Variants in CNTN4 observed in about 807,000 individuals in gnomAD.
The protein encoded by CNTN4 is contactin 4.
CNTN4 carries 77 observed loss-of-function variants against 122.5 expected under a neutral mutation model. That is an observed-to-expected ratio of 0.63 (90% CI 0.52 to 0.76). The LOEUF (loss-of-function observed/expected upper bound fraction) is 0.76. CNTN4 is among the 30% of genes least tolerant of loss of function. The pLI is 0.00. For synonymous variants in CNTN4, 512 were observed against 447.0 expected (o/e 1.15, Z -1.83); for missense variants, 1,256 against 1,259.1 (o/e 1.00, Z 0.04).
At chr3:2,193,444 A>G (rs1404653597) in intron 2 of CNTN4, among the ~76,000 whole-genome samples, 3 of 152,258 alleles carry the variant, frequency 2.0e-5, no homozygotes, top group African/African-American at 7.2e-5. Flanking sequence ...TATCACTATA[A>G]TGGAAGAAAA....
At position 2,371,400 on chromosome 3, in the gene CNTN4, A is replaced by C. The variant is rs73807746; in HGVS notation, c.-89+32167A>C. ...ACCCTATTTAAAATTACAAACCCCA[A>C]CCCCAATGCTCTGGCTAACTTTTGC... On this transcript the variant is annotated intron_variant, in intron 3 of 24. Coordinates refer to ENST00000418658, the MANE Select transcript of CNTN4 (RefSeq NM_175607.3). 4.9e-3 allele frequency among the ~76,000 whole-genome samples: 741 copies of C among 151,810 alleles called. 7 individuals carry two copies. Among genetic ancestry groups the C allele is most frequent in the African/African-American group, 0.017 (706 of 41,384 alleles).
At chr3:2,763,965 CTT>C (rs796513972) in intron 6 of CNTN4, among the ~76,000 whole-genome samples, 4 of 141,450 alleles carry the variant, frequency 2.8e-5, no homozygotes, top group African/African-American at 5.1e-5. Context: ...GCTATTCGGG[CTT>C]TTTTTTTTTG....
At chr3:2,797,385 G>A (rs1161165700) in intron 6 of CNTN4, among the ~76,000 whole-genome samples, 1 of 152,118 alleles carries the variant, frequency 6.6e-6, no homozygotes, top group Non-Finnish European at 1.5e-5. Flanking sequence ...GATTACCTAG[G>A]TCAGGAGTTC....
intron 3 of CNTN4, among the ~76,000 whole-genome samples, chr3:2,366,912 A>T (rs1390471711): frequency 1.3e-5 from 2 of 152,094 alleles, no homozygotes; most frequent in African/African-American, 2.4e-5. Flanking sequence ...AATATGTTGC[A>T]CTCTAACAAT....
intron 2 of CNTN4, among the ~76,000 whole-genome samples, chr3:2,182,374 T>A (rs2037054936): frequency 1.3e-5 from 2 of 152,060 alleles, no homozygotes; most frequent in Non-Finnish European, 2.9e-5. Context: ...TGAATTGAGA[T>A]GATATAAAGT....
At chr3:2,755,391 A>C (rs1386212498) in intron 6 of CNTN4, among the ~76,000 whole-genome samples, 1 of 152,220 alleles carries the variant, frequency 6.6e-6, no homozygotes, top group African/African-American at 2.4e-5. Context: ...TTTGGGTATC[A>C]AAAGTAAAAA....
chr3:2,492,666 C>A (rs892169160), intron 3 of CNTN4, among the ~76,000 whole-genome samples: 1 of 152,184 alleles, frequency 6.6e-6, no homozygotes, highest in African/African-American at 2.4e-5. Context: ...GGCTTATTAT[C>A]AAATTTTCTT....
At chr3:2,742,425 C>T (rs1393374990) in intron 5 of CNTN4, among the ~76,000 whole-genome samples, 1 of 152,218 alleles carries the variant, frequency 6.6e-6, no homozygotes, top group African/African-American at 2.4e-5. Context: ...AATGTTCACT[C>T]ACTTGGTCGG....
chr3:2,543,451 G>C (rs903692749), intron 3 of CNTN4, among the ~76,000 whole-genome samples: 4 of 152,028 alleles, frequency 2.6e-5, no homozygotes, highest in African/African-American at 9.7e-5. Context: ...CCAGAGCTCT[G>C]GGTCACCTGG....
chr3:2,296,197 T>C (rs1237732718), intron 2 of CNTN4, among the ~76,000 whole-genome samples: 1 of 152,148 alleles, frequency 6.6e-6, no homozygotes, highest in African/African-American at 2.4e-5. Context: ...TAAAGTAGTT[T>C]TTTCCAGTTC....
chr3:2,805,317 T>A, intron 6 of CNTN4, among the ~76,000 whole-genome samples: 1 of 152,238 alleles, frequency 6.6e-6, no homozygotes, highest in Middle Eastern at 3.4e-3. Context: ...AGAAGAGCAA[T>A]TGGAGTTGTG....
chr3:2,143,677 C>A (rs532607910), intron 2 of CNTN4, among the ~76,000 whole-genome samples: 1 of 152,244 alleles, frequency 6.6e-6, no homozygotes, highest in African/African-American at 2.4e-5. Context: ...TCTTTATTTA[C>A]AAACATATGA....
chr3:2,910,380 T>G (rs7644363), intron 12 of CNTN4, among the ~76,000 whole-genome samples: 2,157 of 152,332 alleles, frequency 0.014, 57 homozygotes, highest in African/African-American at 0.049. Flanking sequence ...AAAACTGCTG[T>G]GAAGAGATGA....
intron 3 of CNTN4, among the ~76,000 whole-genome samples, chr3:2,363,566 A>G (rs1480341584): frequency 1.3e-5 from 2 of 152,180 alleles, no homozygotes; most frequent in African/African-American, 4.8e-5. Context: ...CATATTTTAT[A>G]TGTGTAGAAT....
In CNTN4 at chr3:2,624,601, T is replaced by G. The variant is rs544209768; in HGVS notation, c.55+53043T>G. On this transcript the variant is annotated intron_variant, in intron 4 of 24. Transcript: ENST00000418658. ...AAAGTTTGCAATGAGATTAAGAGTC[T>G]TGGCTCTTAATTGGAATTTCTGATT... 7.9e-5 allele frequency among the ~76,000 whole-genome samples: 12 copies of G among 151,696 alleles called. 1 individual carries two copies. The highest frequency in any genetic ancestry group is 3.4e-3 in the Middle Eastern group (1 of 294).
intron 2 of CNTN4, among the ~76,000 whole-genome samples, chr3:2,195,657 A>C (rs952688989): frequency 6.6e-6 from 1 of 152,184 alleles, no homozygotes; most frequent in Non-Finnish European, 1.5e-5. Context: ...CATGTTTGGC[A>C]CTTGTTCTGA....
intron 3 of CNTN4, among the ~76,000 whole-genome samples, chr3:2,465,533 C>T (rs982080111): frequency 4.0e-5 from 6 of 151,858 alleles, no homozygotes; most frequent in Admixed American, 1.3e-4. Flanking sequence ...AAAAATTAAC[C>T]GGGTGTGGCA....
intron 3 of CNTN4, among the ~76,000 whole-genome samples, chr3:2,549,411 A>C (rs1443631369): frequency 6.6e-6 from 1 of 152,004 alleles, no homozygotes; most frequent in Non-Finnish European, 1.5e-5. Context: ...TAGCATGAAG[A>C]GGTGTTGAAT....
intron 2 of CNTN4, among the ~76,000 whole-genome samples, chr3:2,230,513 C>T (rs1370804913): frequency 4.6e-5 from 7 of 152,152 alleles, no homozygotes; most frequent in Non-Finnish European, 7.4e-5. Context: ...AATGGGATTG[C>T]ACCAGCCTTC....
Sources: allele counts gnomAD v4.1 joint callset (sites outside exome capture counted in the v4.1 genomes callset), GRCh38; gene constraint gnomAD v4.1.1; transcripts MANE v1.5; gene names NCBI Gene and HGNC (gene_info 2026-07-23, HGNC 2026-07-21).